Variants in ICA1L observed in about 807,000 individuals in gnomAD.
ICA1L encodes islet cell autoantigen 1 like.
ICA1L carries 50 observed loss-of-function variants against 61.3 expected under a neutral mutation model. The observed-to-expected ratio is 0.82, with a 90% confidence interval of 0.65 to 1.03. The LOEUF (loss-of-function observed/expected upper bound fraction) is 1.03, where lower values mean the gene tolerates loss of function less well. ICA1L is among the 50% of genes least tolerant of loss of function. The pLI is 0.00. For missense variants in ICA1L, 508 were observed against 556.7 expected, an observed-to-expected ratio of 0.91 and a Z score of 0.88; for synonymous variants, 161 against 191.3, an observed-to-expected ratio of 0.84 and a Z score of 1.31.
chr2:202,818,388 C>G (rs769656843), intron 5 of ICA1L, among the ~76,000 whole-genome samples: 10 of 152,120 alleles, frequency 6.6e-5, no homozygotes, highest in Non-Finnish European at 1.3e-4. Context: ...GTTAGAACAA[C>G]AAGAAGCAAG....
At chr2:202,843,805 G>A (rs760334850) in intron 1 of ICA1L, among the ~76,000 whole-genome samples, 11 of 152,334 alleles carry the variant, frequency 7.2e-5, no homozygotes, top group East Asian at 1.9e-4. Context: ...GGTACCCAGC[G>A]TTCAGCCACA....
intron 3 of ICA1L, among the ~76,000 whole-genome samples, chr2:202,822,571 G>A (rs941083569): frequency 6.6e-6 from 1 of 152,170 alleles, no homozygotes; most frequent in Non-Finnish European, 1.5e-5. Flanking sequence ...AAGAAACACT[G>A]ATCTAGTGTA....
rs1183143355 is a variant in ICA1L, at chr2:202,796,886, T to TTA, written c.985+2_985+3dup. 2 of 1,521,628 alleles carry TTA rather than the reference T, an allele frequency of 1.3e-6. No homozygotes were observed. The highest frequency in any genetic ancestry group is 4.5e-5 in the East Asian group (2 of 44,176). The allele number at this position is 1,521,628 out of a possible 1,614,324, so 94.3% of individuals were successfully genotyped here. The stretch of plus-strand genomic sequence containing the variant: ...ATTCATATGTAGAGTGAAATGATTC[T>TTA]TACCATTTTCAGAGTTAGAAAACTG... On this transcript the variant is annotated splice_donor_region_variant and intron_variant, in intron 10 of 12. Coordinates refer to ENST00000358299, the MANE Select transcript of ICA1L (RefSeq NM_001288622.3).
chr2:202,859,393 G>A (rs766959454), intron 1 of ICA1L, among the ~76,000 whole-genome samples: 1 of 152,158 alleles, frequency 6.6e-6, no homozygotes, highest in Non-Finnish European at 1.5e-5. Context: ...TATAACTCAT[G>A]CAGAACAAAA....
chr2:202,795,912 G>A (rs573714891), intron 10 of ICA1L, among the ~76,000 whole-genome samples: 26 of 152,020 alleles, frequency 1.7e-4, no homozygotes, highest in Middle Eastern at 6.8e-3. Flanking sequence ...GCATGGTGGC[G>A]CACGCCTGTA....
chr2:202,778,856 C>G lies in ICA1L; in HGVS notation c.*677G>C, dbSNP rs921382318. 1 of 152,620 alleles carries G rather than the reference C, an allele frequency of 6.6e-6. No individual in the cohort carries two copies. The highest frequency in any genetic ancestry group is 1.5e-5 in the Non-Finnish European group (1 of 68,024). The allele number at this position is 152,620 out of a possible 1,614,324, so 9.5% of individuals were successfully genotyped here. A position where few individuals can be genotyped will look rare whatever the true frequency, so the allele number is the denominator to read the frequency against. On this transcript the variant is annotated 3_prime_UTR_variant, in exon 13 of 13. Transcript: ENST00000358299. ...TGGGCTTAGCAAATTAATTATCCTG[C>G]TACTTCCCCTTCAAGATTTAATAAT...
intron 1 of ICA1L, among the ~76,000 whole-genome samples, chr2:202,835,823 TAC>T (rs1225264385): frequency 6.6e-6 from 1 of 152,154 alleles, no homozygotes; most frequent in African/African-American, 2.4e-5. Context: ...GTCCTGGGAT[TAC>T]AGTTATAAAC....
Position 202,821,426 on chromosome 2 carries a change from C to T in ICA1L, c.291G>A (p.Arg97=). The T allele has an allele frequency of 6.2e-7, 1 of 1,613,226 alleles. No homozygotes were observed. ...TCATTTTGCCAGCTTGAGTTGCATC[C>T]CGTTCTGCTTGAAATTTTAAAAAGA... ...LGLFLKFQAE[R]DATQAGKMMD... The change falls in exon 4 of 13, where the codon CGG becomes CGA. Residue 97 remains arginine, a synonymous_variant. Transcript: ENST00000358299.
chr2:202,778,783 C>CTGAG lies in ICA1L; in HGVS notation c.*746_*749dup, dbSNP rs1692306044. The CTGAG allele has an allele frequency of 6.6e-6, 1 of 152,548 alleles. No homozygotes were observed. Among genetic ancestry groups the CTGAG allele is most frequent in the African/African-American group, 2.4e-5 (1 of 41,432 alleles). 9.4% of individuals were successfully genotyped at this position (152,548 alleles called of 1,614,324 possible). ...CAAGCCTTAAGTATTACTGTGCATTCTGAGTTTTAGGAGATGGGAAGATAG... is the reference window on the plus strand; with the variant it reads ...CAAGCCTTAAGTATTACTGTGCATTCTGAGTGAGTTTTAGGAGATGGGAAGATAG... On this transcript the variant is annotated 3_prime_UTR_variant, in exon 13 of 13. Coordinates refer to ENST00000358299, the MANE Select transcript of ICA1L (RefSeq NM_001288622.3).
chr2:202,817,294 T>G, intron 6 of ICA1L, 124 bp downstream of exon 6: 1 of 863,970 alleles, frequency 1.2e-6, no homozygotes, highest in Non-Finnish European at 1.7e-6. Flanking sequence ...TTTCATAACC[T>G]CAATAAAGCA....
At chr2:202,846,889 T>C (rs1694477921) in intron 1 of ICA1L, among the ~76,000 whole-genome samples, 1 of 152,240 alleles carries the variant, frequency 6.6e-6, no homozygotes, top group South Asian at 2.1e-4. Context: ...TTAAATCACA[T>C]GAACTTTATT....
chr2:202,851,889 G>T (rs1434648433), intron 1 of ICA1L, among the ~76,000 whole-genome samples: 1 of 152,092 alleles, frequency 6.6e-6, no homozygotes, highest in African/African-American at 2.4e-5. Flanking sequence ...TGAGTTCTTT[G>T]TAGATTCTGG....
intron 12 of ICA1L, among the ~76,000 whole-genome samples, chr2:202,781,466 TGGAA>T (rs1306016726): frequency 6.6e-6 from 1 of 150,664 alleles, no homozygotes; most frequent in Admixed American, 6.6e-5. Context: ...CCCAGCTACT[TGGAA>T]GGCTGAGGCA....
At chr2:202,811,090 A>T (rs1051500809) in intron 9 of ICA1L, among the ~76,000 whole-genome samples, 1 of 152,094 alleles carries the variant, frequency 6.6e-6, no homozygotes, top group African/African-American at 2.4e-5. Flanking sequence ...GATCTCTGTG[A>T]CCCACACCCT....
At chr2:202,868,727 G>T (rs1245917627) in intron 1 of ICA1L, among the ~76,000 whole-genome samples, 1 of 152,106 alleles carries the variant, frequency 6.6e-6, no homozygotes. Context: ...AGCAATTTGG[G>T]AGGCTGAGGC....
In ICA1L at chr2:202,778,684, T is replaced by A. The variant is rs1574316938; in HGVS notation, c.*849A>T. 4 of 152,752 alleles carry A rather than the reference T, an allele frequency of 2.6e-5. No homozygotes were observed. In the East Asian group the frequency reaches 7.7e-4, roughly 29 times the overall value. 9.5% of individuals were successfully genotyped at this position (152,752 alleles called of 1,614,324 possible). A position where few individuals can be genotyped will look rare whatever the true frequency, so the allele number is the denominator to read the frequency against. ...AGGGAATATTCTCCCCTCATTTTATTTTCAGGAATAATATAAATACTGCAT... is the reference window on the plus strand; with the variant it reads ...AGGGAATATTCTCCCCTCATTTTATATTCAGGAATAATATAAATACTGCAT... On this transcript the variant is annotated 3_prime_UTR_variant, in exon 13 of 13. Transcript: ENST00000358299.
At chr2:202,854,488 C>A (rs1301252682) in intron 1 of ICA1L, among the ~76,000 whole-genome samples, 1 of 152,108 alleles carries the variant, frequency 6.6e-6, no homozygotes, top group Non-Finnish European at 1.5e-5. Context: ...ATCAATGAGA[C>A]AGAAAATTAA....
rs778355110 is a variant in ICA1L, at chr2:202,862,272, CAAAAAAA to C, written c.-8+9340_-8+9346del. Reference sequence around the variant, plus strand: ...GCAACACAGTAAGACCTCATTTCTACAAAAAAAAAAAAAAAAAAAAAAAAAAAAAAAA... The same window carrying C: ...GCAACACAGTAAGACCTCATTTCTACAAAAAAAAAAAAAAAAAAAAAAAAA... On this transcript the variant is annotated intron_variant, in intron 1 of 12. Transcript: ENST00000358299. Among the ~76,000 whole-genome samples the C allele has an allele frequency of 1.5e-3, 94 of 62,944 alleles. 1 individual carries two copies. The highest frequency in any genetic ancestry group is 6.8e-3 in the African/African-American group (82 of 12,050). The allele number at this position is 62,944 out of a possible 152,430, so 41.3% of individuals were successfully genotyped here.
At chr2:202,835,359 C>T (rs1407589166) in intron 1 of ICA1L, among the ~76,000 whole-genome samples, 8 of 151,770 alleles carry the variant, frequency 5.3e-5, no homozygotes, top group Middle Eastern at 6.8e-3. Flanking sequence ...GTGCATGCCA[C>T]CACACCTGGC....
Sources: allele counts gnomAD v4.1 joint callset (sites outside exome capture counted in the v4.1 genomes callset), GRCh38; gene constraint gnomAD v4.1.1; transcripts MANE v1.5; gene names NCBI Gene and HGNC (gene_info 2026-07-23, HGNC 2026-07-21).